Variants in SLC39A12 observed in about 807,000 individuals in gnomAD.
The protein encoded by SLC39A12 is solute carrier family 39 member 12, also known as zinc transporter ZIP12.
A neutral mutation model predicts 71.1 loss-of-function variants in SLC39A12; 63 were observed. The observed-to-expected ratio is 0.89, with a 90% CI of 0.72 to 1.09. The LOEUF (loss-of-function observed/expected upper bound fraction) is 1.09, where lower values mean the gene tolerates loss of function less well. Ranked by LOEUF, SLC39A12 falls within the 50% of genes least tolerant of loss-of-function variation. The probability of loss-of-function intolerance (pLI) is 0.00; values close to 1 mark genes in which losing one functional copy is unlikely to be tolerated. For missense variants in SLC39A12, 892 were observed against 812.6 expected, an observed-to-expected ratio of 1.10 and a Z score of -1.19; for synonymous variants, 351 against 301.3, an observed-to-expected ratio of 1.16 and a Z score of -1.71.
chr10:18,036,790 A>ATTTTTTTTTT (rs1464293480), intron 12 of SLC39A12, among the ~76,000 whole-genome samples: 8 of 69,210 alleles, frequency 1.2e-4, no homozygotes, highest in African/African-American at 4.9e-4. Context: ...ATATATATAT[A>ATTTTTTTTTT]TATATTTTTT....
At chr10:18,007,136 G>T (rs1165466888) in intron 12 of SLC39A12, 2 of 152,206 alleles carry the variant, frequency 1.3e-5, no homozygotes, top group African/African-American at 4.8e-5. Flanking sequence ...AACCCTGCTG[G>T]CCCTGAGGCC....
intron 12 of SLC39A12, among the ~76,000 whole-genome samples, chr10:18,039,700 C>G (rs1366805990): frequency 6.6e-6 from 1 of 152,132 alleles, no homozygotes; most frequent in East Asian, 1.9e-4. Context: ...TGCACTCCAG[C>G]CTGGGCAACA....
intron 12 of SLC39A12, among the ~76,000 whole-genome samples, chr10:18,026,029 T>C (rs1312915698): frequency 6.6e-6 from 1 of 152,214 alleles, no homozygotes; most frequent in Non-Finnish European, 1.5e-5. Flanking sequence ...ATTTCACTTA[T>C]ACATGAGCAT....
chr10:18,000,767 C>T lies in SLC39A12; in HGVS notation c.1701C>T (p.Ser567=), dbSNP rs747860890. 1.1e-5 allele frequency: 18 copies of T among 1,614,002 alleles called. No homozygotes were observed. The highest frequency in any genetic ancestry group is 6.7e-5 in the East Asian group (3 of 44,884). The part of the protein sequence containing the change: ...LAIGAAFSSS[S]ESGVTTTIAI... ...TAGGAGCAGCCTTCTCATCATCATC[C>T]GAGTCAGGAGTGACCACTACGATTG... The change falls in exon 11 of 13, where the codon TCC becomes TCT. Residue 567 remains serine (S), a synonymous_variant. Coordinates refer to ENST00000377369, the MANE Select transcript of SLC39A12 (RefSeq NM_001145195.2).
chr10:18,035,903 T>G (rs1032597680), intron 12 of SLC39A12, among the ~76,000 whole-genome samples: 1 of 152,174 alleles, frequency 6.6e-6, no homozygotes, highest in South Asian at 2.1e-4. Context: ...TGGAATACCC[T>G]GCCGTGTGAG....
At chr10:17,954,070 C>T (rs1274008670) in intron 2 of SLC39A12, among the ~76,000 whole-genome samples, 4 of 152,038 alleles carry the variant, frequency 2.6e-5, no homozygotes, top group Non-Finnish European at 4.4e-5. Context: ...GAGCTGAAGT[C>T]GCACCCATGG....
intron 12 of SLC39A12, among the ~76,000 whole-genome samples, chr10:18,039,930 A>G (rs1310687409): frequency 6.6e-6 from 1 of 152,226 alleles, no homozygotes; most frequent in Non-Finnish European, 1.5e-5. Flanking sequence ...TGAATGTTGA[A>G]CTAATATCAA....
chr10:17,961,320 T>C (rs1189955285), intron 2 of SLC39A12, among the ~76,000 whole-genome samples: 1 of 152,150 alleles, frequency 6.6e-6, no homozygotes, highest in Non-Finnish European at 1.5e-5. Flanking sequence ...GAATAATCTG[T>C]TTTACACAAG....
At chr10:18,024,918 C>T (rs916124772) in intron 12 of SLC39A12, among the ~76,000 whole-genome samples, 2 of 152,154 alleles carry the variant, frequency 1.3e-5, no homozygotes, top group African/African-American at 4.8e-5. Context: ...AATTTAAGAT[C>T]GCTACGACCA....
At chr10:18,023,071 G>A (rs1334194800) in intron 12 of SLC39A12, among the ~76,000 whole-genome samples, 1 of 151,970 alleles carries the variant, frequency 6.6e-6, no homozygotes, top group Non-Finnish European at 1.5e-5. Flanking sequence ...TTGAGTGCTG[G>A]TCACAGATCT....
Position 17,991,242 on chromosome 10 carries a change from G to A in SLC39A12, c.1361G>A (p.Gly454Asp), listed in dbSNP as rs760505280. The stretch of plus-strand genomic sequence containing the variant: ...TGGAAACTGATGGGATTAATTGGAG[G>A]CATCCATGGATTTTTCTTGATAGAA... ...HIWKLMGLIG[G>D]IHGFFLIEKC... The change falls in exon 8 of 13, where the codon GGC becomes GAC. Residue 454 changes from glycine (G) to aspartate (D), a missense_variant. Physicochemically the swap from Gly to Asp is moderately conservative, Grantham distance 94. Coordinates refer to ENST00000377369, the MANE Select transcript of SLC39A12 (RefSeq NM_001145195.2). 2 of 1,594,150 alleles carry A rather than the reference G, an allele frequency of 1.3e-6. No individual in the cohort carries two copies. The highest frequency in any genetic ancestry group is 1.4e-5 in the African/African-American group (1 of 73,852).
Position 17,953,556 on chromosome 10 carries a change from G to T in SLC39A12, c.261+19G>T. The T allele has an allele frequency of 6.2e-7, 1 of 1,612,712 alleles. No individual in the cohort carries two copies. The highest frequency in any genetic ancestry group is 8.5e-7 in the Non-Finnish European group (1 of 1,179,262). On this transcript the variant is annotated intron_variant, in intron 2 of 12. Coordinates refer to ENST00000377369, the MANE Select transcript of SLC39A12 (RefSeq NM_001145195.2). ...CAATCTGGTTAGTGAAATAGAATGG[G>T]GTCAGGTATCAGGGCATGTCCAAAA... is the stretch of plus-strand genomic sequence containing the variant.
At chr10:17,974,583 G>A (rs182483645) in intron 4 of SLC39A12, among the ~76,000 whole-genome samples, 104 of 152,344 alleles carry the variant, frequency 6.8e-4, no homozygotes, top group Admixed American at 6.5e-3. Context: ...TTACCAGGCA[G>A]AGACTCTTGT....
At chr10:18,025,992 C>T in intron 12 of SLC39A12, among the ~76,000 whole-genome samples, 1 of 152,184 alleles carries the variant, frequency 6.6e-6, no homozygotes, top group East Asian at 1.9e-4. Context: ...ATTCTTCCCT[C>T]CTGTCTCTTG....
At chr10:17,996,722 G>T (rs534477469) in intron 10 of SLC39A12, among the ~76,000 whole-genome samples, 2 of 152,210 alleles carry the variant, frequency 1.3e-5, no homozygotes, top group African/African-American at 4.8e-5. Flanking sequence ...GCACCGGCGG[G>T]CGCGGTGGCT....
intron 12 of SLC39A12, among the ~76,000 whole-genome samples, chr10:18,018,611 C>T (rs942558694): frequency 1.1e-4 from 16 of 152,136 alleles, no homozygotes; most frequent in African/African-American, 3.6e-4. Context: ...TTGTCAAATA[C>T]TTTTCCTACA....
chr10:17,998,072 C>T lies in SLC39A12; in HGVS notation c.1600+2350C>T, dbSNP rs1052423211. Among the ~76,000 whole-genome samples, 5 of 152,204 alleles carry T rather than the reference C, an allele frequency of 3.3e-5. No homozygotes were observed. The East Asian group carries it at 9.6e-4, about 29-fold the overall frequency. ...GGAGTACAGTGGGACGATCTTGGTTCACTGCAACCTCTGCCTCCTGGGTTT... is the reference window on the plus strand; with the variant it reads ...GGAGTACAGTGGGACGATCTTGGTTTACTGCAACCTCTGCCTCCTGGGTTT... On this transcript the variant is annotated intron_variant, in intron 10 of 12. Transcript: ENST00000377369.
At chr10:17,986,317 T>A (rs1164937696) in intron 6 of SLC39A12, among the ~76,000 whole-genome samples, 2 of 152,194 alleles carry the variant, frequency 1.3e-5, no homozygotes, top group African/African-American at 4.8e-5. Context: ...CACGGTTATT[T>A]GAAGAAAGTC....
intron 12 of SLC39A12, among the ~76,000 whole-genome samples, chr10:18,028,834 C>T (rs966738826): frequency 1.3e-5 from 2 of 152,220 alleles, no homozygotes; most frequent in African/African-American, 4.8e-5. Flanking sequence ...ACCCTCCAGC[C>T]TCAGCCTCCC....
Sources: gnomAD v4.1 joint callset for allele counts (sites outside exome capture counted in the v4.1 genomes callset) on GRCh38, gnomAD v4.1.1 for gene constraint, MANE v1.5 for transcripts, NCBI Gene and HGNC (gene_info 2026-07-23, HGNC 2026-07-21) for gene names.